FAM184A: variants seen among roughly 807,000 people sequenced by gnomAD.
FAM184A encodes protein FAM184A.
FAM184A carries 99 observed loss-of-function variants against 143.8 expected under a neutral mutation model. The observed-to-expected ratio is 0.69, with a 90% CI of 0.58 to 0.81. The LOEUF (loss-of-function observed/expected upper bound fraction) is 0.81, where lower values mean the gene tolerates loss of function less well. FAM184A is among the 40% of genes least tolerant of loss of function. The pLI, the probability that FAM184A is intolerant of heterozygous loss-of-function variation, is 0.00. For missense variants in FAM184A, 1,217 were observed against 1,310.5 expected, an observed-to-expected ratio of 0.93 and a Z score of 1.10; for synonymous variants, 427 against 446.4, an observed-to-expected ratio of 0.96 and a Z score of 0.55.
chr6:119,114,042 T>G (rs1449463843), intron 1 of FAM184A, among the ~76,000 whole-genome samples: 2 of 152,214 alleles, frequency 1.3e-5, no homozygotes, highest in African/African-American at 2.4e-5. Context: ...AGTTTATAAA[T>G]TAAACTTTAT....
chr6:119,073,948 G>T (rs973762825), intron 1 of FAM184A, among the ~76,000 whole-genome samples: 7 of 152,184 alleles, frequency 4.6e-5, no homozygotes, highest in Admixed American at 6.5e-5. Flanking sequence ...TCTAGAGTTT[G>T]CACAGACCTC....
chr6:119,016,658 A>C, intron 5 of FAM184A, 89 bp downstream of exon 5: 2 of 1,134,144 alleles, frequency 1.8e-6, no homozygotes, highest in Non-Finnish European at 2.6e-6. Context: ...TCTTGAAGTC[A>C]GTGAGACCAA....
chr6:119,146,396 A>ACG (rs1772428845), intron 1 of FAM184A, among the ~76,000 whole-genome samples: 1 of 95,328 alleles, frequency 1.0e-5, no homozygotes, highest in South Asian at 3.6e-4. Context: ...CGATTAACTT[A>ACG]CGTGTGTGTG....
chr6:119,016,659 G>C (rs1019500038), intron 5 of FAM184A, 88 bp downstream of exon 5: 2 of 1,160,358 alleles, frequency 1.7e-6, no homozygotes, highest in Admixed American at 1.9e-5. Flanking sequence ...CTTGAAGTCA[G>C]TGAGACCAAG....
chr6:119,070,865 T>C (rs1787660702), intron 1 of FAM184A, among the ~76,000 whole-genome samples: 1 of 151,912 alleles, frequency 6.6e-6, no homozygotes, highest in Non-Finnish European at 1.5e-5. Context: ...TTCCATTTCA[T>C]GGCATAATAT....
At chr6:119,113,518 G>A (rs966268830) in intron 1 of FAM184A, among the ~76,000 whole-genome samples, 1 of 151,986 alleles carries the variant, frequency 6.6e-6, no homozygotes, top group African/African-American at 2.4e-5. Flanking sequence ...TACAACTATA[G>A]TTCTCAGTCC....
At chr6:119,039,967 G>A (rs375278882) in intron 1 of FAM184A, among the ~76,000 whole-genome samples, 11 of 152,288 alleles carry the variant, frequency 7.2e-5, no homozygotes, top group Admixed American at 1.3e-4. Flanking sequence ...CACACTACGC[G>A]TGCTCTGCAC....
chr6:118,990,272 T>C (rs1317171838), intron 9 of FAM184A, among the ~76,000 whole-genome samples: 1 of 152,220 alleles, frequency 6.6e-6, no homozygotes, highest in Non-Finnish European at 1.5e-5. Flanking sequence ...CCTGAATTAT[T>C]TGATAAATTA....
At chr6:119,011,987 A>G (rs1167827237) in intron 5 of FAM184A, among the ~76,000 whole-genome samples, 2 of 152,364 alleles carry the variant, frequency 1.3e-5, no homozygotes, top group African/African-American at 2.4e-5. Flanking sequence ...AGCTCATGGT[A>G]TCAAACAATT....
chr6:119,079,638 T>TA (rs1562142053), upstream of FAM184A, among the ~76,000 whole-genome samples: 1 of 152,156 alleles, frequency 6.6e-6, no homozygotes, highest in African/African-American at 2.4e-5. Flanking sequence ...CCTGTTTTTT[T>TA]AAAAATCGTA....
intron 1 of FAM184A, chr6:119,148,998 T>G (rs536488873): frequency 6.6e-6 from 1 of 152,156 alleles, no homozygotes; most frequent in Non-Finnish European, 1.5e-5. Flanking sequence ...GCATGCACAT[T>G]TCTGTTCTAA....
intron 1 of FAM184A, among the ~76,000 whole-genome samples, chr6:119,035,493 A>G (rs558324731): frequency 3.9e-5 from 6 of 152,208 alleles, no homozygotes; most frequent in Non-Finnish European, 8.8e-5. Context: ...TTTATTTGAC[A>G]TATTTTGAAA....
chr6:118,983,774 TTG>T (rs1176504617), intron 9 of FAM184A, among the ~76,000 whole-genome samples: 1 of 152,152 alleles, frequency 6.6e-6, no homozygotes, highest in Non-Finnish European at 1.5e-5. Flanking sequence ...TAAAAAATGA[TTG>T]TCTTTTTGAA....
At chr6:119,068,737 C>T (rs1787563674) in intron 1 of FAM184A, among the ~76,000 whole-genome samples, 1 of 152,016 alleles carries the variant, frequency 6.6e-6, no homozygotes, top group Non-Finnish European at 1.5e-5. Flanking sequence ...CCGGGGTTTC[C>T]AAGACTGAAA....
At chr6:118,960,387 A>C (rs1783282497) in intron 17 of FAM184A, among the ~76,000 whole-genome samples, 1 of 152,206 alleles carries the variant, frequency 6.6e-6, no homozygotes, top group Admixed American at 6.5e-5. Context: ...AGCTCAAATG[A>C]AGTCAGTTAA....
chr6:118,975,513 G>A (rs1490506499), intron 12 of FAM184A, among the ~76,000 whole-genome samples: 2 of 152,226 alleles, frequency 1.3e-5, no homozygotes, highest in African/African-American at 4.8e-5. Flanking sequence ...TGGATTAGTT[G>A]AGATTAGAAC....
At chr6:118,977,985 C>T (rs1032124383) in intron 11 of FAM184A, among the ~76,000 whole-genome samples, 3 of 151,990 alleles carry the variant, frequency 2.0e-5, no homozygotes, top group African/African-American at 4.8e-5. Context: ...TTTTTTGAGA[C>T]AGAGTTTTGC....
At chr6:119,031,266 A>G (rs1264353245) in intron 1 of FAM184A, 1 of 152,194 alleles carries the variant, frequency 6.6e-6, no homozygotes, top group African/African-American at 2.4e-5. Context: ...CCTAACGCCC[A>G]ATATGATGGT....
At chr6:119,101,074 T>TA (rs1328864862) in intron 1 of FAM184A, among the ~76,000 whole-genome samples, 3 of 150,930 alleles carry the variant, frequency 2.0e-5, no homozygotes, top group African/African-American at 7.3e-5. Flanking sequence ...ACTTTCTTTT[T>TA]TTTTTTTTGT....
Sources: allele counts gnomAD v4.1 joint callset (sites outside exome capture counted in the v4.1 genomes callset), GRCh38; gene constraint gnomAD v4.1.1; transcripts MANE v1.5; gene names NCBI Gene and HGNC (gene_info 2026-07-23, HGNC 2026-07-21).